Variants in SDR39U1 observed in about 807,000 individuals in gnomAD.
The protein encoded by SDR39U1 is short chain dehydrogenase/reductase family 39U member 1, also known as epimerase family protein SDR39U1.
A neutral mutation model predicts 31.7 loss-of-function variants in SDR39U1; 29 were observed. That is an observed-to-expected ratio of 0.92 (90% CI 0.68 to 1.25). The LOEUF (loss-of-function observed/expected upper bound fraction) is 1.25. Ranked by LOEUF, SDR39U1 falls within the 50% of genes most tolerant of loss-of-function variation. The probability of loss-of-function intolerance (pLI) is 0.00; values close to 1 mark genes in which losing one functional copy is unlikely to be tolerated. For missense variants in SDR39U1, 403 were observed against 378.4 expected, an observed-to-expected ratio of 1.06 and a Z score of -0.54; for synonymous variants, 147 against 159.0, an observed-to-expected ratio of 0.92 and a Z score of 0.57.
rs200019701 is a variant in SDR39U1, at chr14:24,440,415, C to T, written c.550G>A (p.Gly184Ser). 8.7e-6 allele frequency: 14 copies of T among 1,613,308 alleles called. No homozygotes were observed. Among genetic ancestry groups the T allele is most frequent in the African/African-American group, 6.7e-5 (5 of 74,898 alleles). ...CAGGGGAAGAATTGGTGGCCTGAGC[C>T]GATGGGGCCCCCCAGGCCCAGGCGA... ...PFRLGLGGPI[G>S]SGHQFFPWIH... The change falls in exon 6 of 6, where the codon GGC becomes AGC. Residue 184 changes from glycine (G) to serine (S), a missense_variant. Coordinates refer to ENST00000399395, the MANE Select transcript of SDR39U1 (RefSeq NM_020195.3).
chr14:24,441,725 T>G lies in SDR39U1; in HGVS notation c.277A>C (p.Ile93Leu). The G allele has an allele frequency of 6.3e-7, 1 of 1,599,854 alleles. No homozygotes were observed. Among genetic ancestry groups the G allele is most frequent in the Non-Finnish European group, 8.5e-7 (1 of 1,176,096 alleles). Residue 93 changes from isoleucine (I) to leucine (L), a missense_variant, in exon 4 of 6, where the codon ATC becomes CTC. Physicochemically the swap from Ile to Leu is conservative, Grantham distance 5 (BLOSUM62 2). Coordinates refer to ENST00000399395, the MANE Select transcript of SDR39U1 (RefSeq NM_020195.3). Reference sequence around the variant, plus strand: ...TTGGGGGGTTGTGGGGCTTTGGTGATGGCTTTAGCCAGCAATTGGGTGGTC... The same window carrying G: ...TTGGGGGGTTGTGGGGCTTTGGTGAGGGCTTTAGCCAGCAATTGGGTGGTC... ...LETTQLLAKA[I>L]TKAPQPPKAW... is the part of the protein sequence containing the mutation.
At chr14:24,441,971 C>T (rs938410162) in intron 3 of SDR39U1, 176 bp from the exon 4 acceptor site, 1 of 1,352,744 alleles carries the variant, frequency 7.4e-7, no homozygotes, top group Non-Finnish European at 1.0e-6. Flanking sequence ...TCCTGGGCAT[C>T]CTGAGTTATA....
chr14:24,442,719 C>T, intron 1 of SDR39U1, 35 bp downstream of exon 1: 1 of 1,613,544 alleles, frequency 6.2e-7, no homozygotes, highest in African/African-American at 1.3e-5. Context: ...TCCGACTAAG[C>T]CCGCCCAGCA....
At position 24,440,470 on chromosome 14, in the gene SDR39U1, A is replaced by T. The variant is rs1381030062; in HGVS notation, c.495T>A (p.Gly165=). The T allele has an allele frequency of 6.2e-7, 1 of 1,607,410 alleles. No homozygotes were observed. The highest frequency in any genetic ancestry group is 8.5e-7 in the Non-Finnish European group (1 of 1,177,028). Residue 165 remains glycine, a synonymous_variant, in exon 6 of 6, where the codon GGT becomes GGA. Transcript: ENST00000399395. ...GCAGCAGCATGTGGCCCATGGCACCACCCCCACGGCCCAGCACAACCCCTA... is the reference window on the plus strand; with the variant it reads ...GCAGCAGCATGTGGCCCATGGCACCTCCCCCACGGCCCAGCACAACCCCTA... ...VRSGVVLGRG[G]GAMGHMLLPF...
chr14:24,440,249 C>G lies in SDR39U1; in HGVS notation c.716G>C (p.Arg239Pro), dbSNP rs765594883. Reference sequence around the variant, plus strand: ...AGCGCTGGGGAGAGGGATGAAGGCTCGGCGGCCCAGGGCAGCACCCAAGGT... The same window carrying G: ...AGCGCTGGGGAGAGGGATGAAGGCTGGGCGGCCCAGGGCAGCACCCAAGGT... ...AQTLGAALGR[R>P]AFIPLPSAVV... Residue 239 changes from arginine (R) to proline (P), a missense_variant, in exon 6 of 6, where the codon CGA (arginine) becomes CCA (proline). Coordinates refer to ENST00000399395, the MANE Select transcript of SDR39U1 (RefSeq NM_020195.3). 2 of 1,613,754 alleles carry G rather than the reference C, an allele frequency of 1.2e-6. No individual in the cohort carries two copies. The highest frequency in any genetic ancestry group is 2.7e-5 in the African/African-American group (2 of 74,928).
Position 24,439,877 on chromosome 14 carries a change from A to C in SDR39U1, c.*206T>G. 1.9e-6 allele frequency: 1 copy of C among 517,936 alleles called. No individual in the cohort carries two copies. The highest frequency in any genetic ancestry group is 3.4e-6 in the Non-Finnish European group (1 of 295,176). The allele number at this position is 517,936 out of a possible 1,614,324, so 32.1% of individuals were successfully genotyped here. On this transcript the variant is annotated 3_prime_UTR_variant, in exon 6 of 6. Transcript: ENST00000399395. Reference sequence around the variant, plus strand: ...TAGAGAAACCAAACTGGGAAATCTTACAAGGAGTTGAAAAGATTAATGTCC... The same window carrying C: ...TAGAGAAACCAAACTGGGAAATCTTCCAAGGAGTTGAAAAGATTAATGTCC...
chr14:24,441,590 G>T (rs1160414716), intron 4 of SDR39U1, 84 bp downstream of exon 4: 1 of 1,185,646 alleles, frequency 8.4e-7, no homozygotes, highest in Non-Finnish European at 1.2e-6. Flanking sequence ...AAAGACCAGT[G>T]CTCTGGTGTG....
In SDR39U1 at chr14:24,441,679, C is replaced by G. The variant is rs1372450040; in HGVS notation, c.323G>C (p.Gly108Ala). 2.5e-6 allele frequency: 4 copies of G among 1,583,682 alleles called. No homozygotes were observed. Among genetic ancestry groups the G allele is most frequent in the Non-Finnish European group, 3.4e-6 (4 of 1,171,428 alleles). ...TGGTGATTTGGGGGGCGTACCTACA[C>G]CTGTGACTAAGACCCAGGCCTTGGG... ...QPPKAWVLVTGVAYYQPSLTA... is the reference protein window; with the variant it reads ...QPPKAWVLVTAVAYYQPSLTA... Residue 108 changes from glycine to alanine, a missense_variant, in exon 4 of 6, where the codon GGT becomes GCT. Gly to Ala is a moderately conservative substitution (Grantham distance 60, BLOSUM62 0). Transcript: ENST00000399395.
intron 1 of SDR39U1, 129 bp downstream of exon 1, chr14:24,442,625 C>T: frequency 3.1e-6 from 4 of 1,307,064 alleles, no homozygotes; most frequent in Non-Finnish European, 4.4e-6. Flanking sequence ...TAGGGAGATT[C>T]GGCTTCTCGG....
Position 24,440,224 on chromosome 14 carries a change from A to G in SDR39U1, c.741T>C (p.Ala247=). The change falls in exon 6 of 6, where the codon GCT becomes GCC. Residue 247 remains alanine, a synonymous_variant. Transcript: ENST00000399395. ...GRRAFIPLPS[A]VVQAVFGRQR... is the part of the protein sequence containing the mutation. ...GTCGCCCAAAGACAGCTTGCACCAC[A>G]GCGCTGGGGAGAGGGATGAAGGCTC... 6.2e-7 allele frequency: 1 copy of G among 1,613,848 alleles called. No individual in the cohort carries two copies. Among genetic ancestry groups the G allele is most frequent in the Non-Finnish European group, 8.5e-7 (1 of 1,179,726 alleles).
intron 4 of SDR39U1, chr14:24,441,240 CCT>C: frequency 2.1e-6 from 1 of 480,842 alleles, no homozygotes; most frequent in Admixed American, 3.4e-5. Flanking sequence ...AGTTACTTAA[CCT>C]CTCTGTATAG....
At chr14:24,441,014 C>G in intron 4 of SDR39U1, 88 bp from the exon 5 acceptor site, 1 of 1,410,258 alleles carries the variant, frequency 7.1e-7, no homozygotes, top group Middle Eastern at 1.8e-4. Flanking sequence ...CTCACCTTCT[C>G]TGGCCCTTAG....
At position 24,442,483 on chromosome 14, in the gene SDR39U1, C is replaced by A. The variant is rs1388115606; in HGVS notation, c.17-31G>T. On this transcript the variant is annotated intron_variant, in intron 1 of 5. Transcript: ENST00000399395. ...CGGAAAATACAAATTGTTTATATTC[C>A]CGTGGAGTTGGGGTGGGGGCGCCTT... 1.9e-6 allele frequency: 3 copies of A among 1,564,844 alleles called. No homozygotes were observed. The South Asian group carries it at 3.5e-5, about 18-fold the overall frequency.
chr14:24,442,150 G>T, intron 3 of SDR39U1, 28 bp downstream of exon 3: 1 of 1,601,306 alleles, frequency 6.2e-7, no homozygotes, highest in East Asian at 2.3e-5. Context: ...GTGCTCTAGT[G>T]GGTATCAGCT....
At position 24,442,431 on chromosome 14, in the gene SDR39U1, C is replaced by T; in HGVS notation, c.38G>A (p.Gly13Glu). The T allele has an allele frequency of 1.2e-6, 2 of 1,608,108 alleles. No homozygotes were observed. Among genetic ancestry groups the T allele is most frequent in the South Asian group, 1.1e-5 (1 of 90,052 alleles). The stretch of plus-strand genomic sequence containing the variant: ...ATTCAGCAGCTGGGTTAGGGCTGTC[C>T]CAATGAAGCCTGTCCCGCCACCTGA... ...VLVGGGTGFI[G>E]TALTQLLNAR... The change falls in exon 2 of 6, where the codon GGG becomes GAG. Residue 13 changes from glycine (G) to glutamate (E), a missense_variant. Coordinates refer to ENST00000399395, the MANE Select transcript of SDR39U1 (RefSeq NM_020195.3).
At position 24,440,227 on chromosome 14, in the gene SDR39U1, G is replaced by A. The variant is rs760214186; in HGVS notation, c.738C>T (p.Ser246=). ...LGRRAFIPLP[S]AVVQAVFGRQ... is the part of the protein sequence containing the mutation. ...GCCCAAAGACAGCTTGCACCACAGC[G>A]CTGGGGAGAGGGATGAAGGCTCGGC... Residue 246 remains serine, a synonymous_variant, in exon 6 of 6, where the codon AGC becomes AGT. Coordinates refer to ENST00000399395, the MANE Select transcript of SDR39U1 (RefSeq NM_020195.3). 7 of 1,613,960 alleles carry A rather than the reference G, an allele frequency of 4.3e-6. No homozygotes were observed. The highest frequency in any genetic ancestry group is 2.7e-5 in the African/African-American group (2 of 75,070).
At position 24,442,749 on chromosome 14, in the gene SDR39U1, C is replaced by T. The variant is rs781438425; in HGVS notation, c.16+5G>A. On this transcript the variant is annotated splice_donor_5th_base_variant and intron_variant, in intron 1 of 5. Coordinates refer to ENST00000399395, the MANE Select transcript of SDR39U1 (RefSeq NM_020195.3). ...CCAGCACTCTCCCTTTCTGCCCTCC[C>T]TCACCCACAAGCACACGCATAGCGA... 1 of 1,614,044 alleles carries T rather than the reference C, an allele frequency of 6.2e-7. No individual in the cohort carries two copies. The highest frequency in any genetic ancestry group is 1.1e-5 in the South Asian group (1 of 91,090).
Position 24,442,340 on chromosome 14 carries a change from A to G in SDR39U1, c.123+6T>C, listed in dbSNP as rs1377441461. ...CCTCCCACCCGCTTCCAGAGGATGG[A>G]CTTACCCACGTGATCCGGCCGGGCC... On this transcript the variant is annotated splice_donor_region_variant and intron_variant, in intron 2 of 5. Transcript: ENST00000399395. 2 of 1,609,162 alleles carry G rather than the reference A, an allele frequency of 1.2e-6. No individual in the cohort carries two copies. The highest frequency in any genetic ancestry group is 1.7e-6 in the Non-Finnish European group (2 of 1,178,000).
intron 4 of SDR39U1, chr14:24,441,212 ACT>A (rs2139414204): frequency 2.0e-6 from 1 of 511,822 alleles, no homozygotes; most frequent in Non-Finnish European, 3.5e-6. Flanking sequence ...TCATTTATTA[ACT>A]CTCTGACTTG....
Sources: gnomAD v4.1 joint callset for allele counts on GRCh38, gnomAD v4.1.1 for gene constraint, MANE v1.5 for transcripts, NCBI Gene and HGNC (gene_info 2026-07-23, HGNC 2026-07-21) for gene names.